Variants in SLC60A1 observed in about 807,000 individuals in gnomAD.
The protein encoded by SLC60A1 is solute carrier family 60 member 1, also known as major facilitator superfamily domain containing 4.
chr1:205,579,429 G>T, the SLC60A1 span: 3 of 547,352 alleles, frequency 5.5e-6, no homozygotes, highest in Non-Finnish European at 9.7e-6. Flanking sequence ...CCTGAAAAGG[G>T]TGGGGAATAT....
chr1:205,593,772 A>G, the SLC60A1 span, among the ~76,000 whole-genome samples: 7 of 152,342 alleles, frequency 4.6e-5, no homozygotes, highest in East Asian at 1.2e-3. Context: ...AAGTGAAAGT[A>G]GCTGAAAATA....
chr1:205,583,232 G>C, the SLC60A1 span, among the ~76,000 whole-genome samples: 2 of 152,214 alleles, frequency 1.3e-5, no homozygotes, highest in Non-Finnish European at 2.9e-5. Context: ...CTCTGAAGGA[G>C]TTCCGATTTA....
chr1:205,592,183 A>C, the SLC60A1 span: 1 of 1,613,950 alleles, frequency 6.2e-7, no homozygotes, highest in Non-Finnish European at 8.5e-7. Flanking sequence ...ATTTTCTCCT[A>C]CAACGTCGTC....
chr1:205,579,110 CCCT>C, the SLC60A1 span, among the ~76,000 whole-genome samples: 13 of 152,140 alleles, frequency 8.5e-5, no homozygotes, highest in Non-Finnish European at 1.6e-4. Context: ...TGGCCACAGC[CCCT>C]CCTTTCCCCA....
the SLC60A1 span, among the ~76,000 whole-genome samples, chr1:205,573,836 T>G: frequency 1.3e-5 from 2 of 152,038 alleles, no homozygotes; most frequent in African/African-American, 4.8e-5. Flanking sequence ...AAGCTGAGAT[T>G]ACAGGCATGC....
chr1:205,582,545 A>ACCCACCTCCCTGGAAAGC, the SLC60A1 span, among the ~76,000 whole-genome samples: 2 of 152,046 alleles, frequency 1.3e-5, no homozygotes, highest in Non-Finnish European at 2.9e-5. Context: ...CCTTCCCAGC[A>ACCCACCTCCCTGGAAAGC]CCCACCTCCC....
At chr1:205,583,481 T>G in the SLC60A1 span, among the ~76,000 whole-genome samples, 1 of 152,296 alleles carries the variant, frequency 6.6e-6, no homozygotes, top group African/African-American at 2.4e-5. Context: ...GGGCAGTCTC[T>G]CAGTCTCTAG....
chr1:205,594,426 C>T, the SLC60A1 span, among the ~76,000 whole-genome samples: 2 of 152,140 alleles, frequency 1.3e-5, no homozygotes, highest in Non-Finnish European at 2.9e-5. Flanking sequence ...GAGGCTGAGG[C>T]GGGTGGATCA....
chr1:205,598,925 G>A, the SLC60A1 span: 3 of 631,556 alleles, frequency 4.8e-6, no homozygotes, highest in Non-Finnish European at 8.2e-6. Flanking sequence ...TCCAGTCCCT[G>A]CCTTAGAGCA....
At chr1:205,576,857 G>A in the SLC60A1 span, among the ~76,000 whole-genome samples, 14,095 of 152,146 alleles carry the variant, frequency 0.093, 727 homozygotes, top group Middle Eastern at 0.16. Flanking sequence ...CCCATTTATT[G>A]GGAACAGGTC....
chr1:205,584,842 A>T, the SLC60A1 span: 1 of 1,595,810 alleles, frequency 6.3e-7, no homozygotes, highest in South Asian at 1.1e-5. Flanking sequence ...GCAGAAGCTG[A>T]GACTCACCCC....
chr1:205,578,860 A>T, the SLC60A1 span, among the ~76,000 whole-genome samples: 1 of 152,068 alleles, frequency 6.6e-6, no homozygotes, highest in East Asian at 1.9e-4. Flanking sequence ...CTGCTGCCCA[A>T]TCTCTCCTCT....
chr1:205,580,986 C>T, the SLC60A1 span: 21 of 1,549,180 alleles, frequency 1.4e-5, no homozygotes, highest in African/African-American at 2.4e-4. This position sits in a 1 kb window ranked among gnomAD's most constrained non-coding sequence, Gnocchi z 5.0. Flanking sequence ...CAGTCCACCC[C>T]ACACCCAGTG....
At chr1:205,579,323 GCT>G in the SLC60A1 span, among the ~76,000 whole-genome samples, 1 of 135,116 alleles carries the variant, frequency 7.4e-6, no homozygotes, top group Non-Finnish European at 1.6e-5. Context: ...GAAATGCCCA[GCT>G]CTGAGACTTC....
At chr1:205,579,858 C>T in the SLC60A1 span, 34 of 1,614,016 alleles carry the variant, frequency 2.1e-5, no homozygotes, top group East Asian at 4.2e-4. Context: ...TCAGTCATGG[C>T]GCTGGCGGGC....
chr1:205,576,847 C>A, the SLC60A1 span, among the ~76,000 whole-genome samples: 3 of 152,086 alleles, frequency 2.0e-5, no homozygotes, highest in South Asian at 2.1e-4. Context: ...TACAGATGTC[C>A]CCATTTATTG....
the SLC60A1 span, chr1:205,569,055 C>A: frequency 6.9e-7 from 1 of 1,456,044 alleles, no homozygotes; most frequent in African/African-American, 1.5e-5. Flanking sequence ...ATCCGCGAGC[C>A]CGTCAGCCTG....
At chr1:205,580,640 C>CCCCCCCCCCT in the SLC60A1 span, 1 of 1,588,068 alleles carries the variant, frequency 6.3e-7, no homozygotes, top group Non-Finnish European at 8.6e-7. This position sits in a 1 kb window ranked among gnomAD's most constrained non-coding sequence, Gnocchi z 5.0. Context: ...CCCCCACCCG[C>CCCCCCCCCCT]CACCTCTCCT....
At chr1:205,571,566 T>C in the SLC60A1 span, among the ~76,000 whole-genome samples, 2 of 152,006 alleles carry the variant, frequency 1.3e-5, no homozygotes, top group South Asian at 2.1e-4. Flanking sequence ...CAAAATGCCA[T>C]GAAGAACTCT....
Sources: allele counts gnomAD v4.1 joint callset (sites outside exome capture counted in the v4.1 genomes callset), GRCh38; gene constraint gnomAD v4.1.1; non-coding constraint Gnocchi (gnomAD v3.1); transcripts MANE v1.5; gene names NCBI Gene and HGNC (gene_info 2026-07-23, HGNC 2026-07-21).